Variants in ENPEP observed in about 807,000 individuals in gnomAD.
ENPEP encodes the protein AP-A.
ENPEP carries 103 observed loss-of-function variants against 114.5 expected under a neutral mutation model. The observed-to-expected ratio is 0.90, with a 90% CI of 0.77 to 1.06. The LOEUF (loss-of-function observed/expected upper bound fraction) is 1.06. ENPEP is among the 50% of genes least tolerant of loss of function. ENPEP has a pLI of 0.00. For missense variants in ENPEP, 1,196 were observed against 1,161.3 expected (o/e 1.03, Z -0.43); for synonymous variants, 420 against 422.0 (o/e 1.00, Z 0.06).
intron 3 of ENPEP, 117 bp downstream of exon 3, chr4:110,491,281 T>A: frequency 1.0e-6 from 1 of 998,012 alleles, no homozygotes. Context: ...AGCCCTTTAG[T>A]CCCCAGGGTC....
intron 3 of ENPEP, among the ~76,000 whole-genome samples, chr4:110,492,100 C>T (rs1211643124): frequency 6.6e-6 from 1 of 152,016 alleles, no homozygotes. Flanking sequence ...TGCTTATATC[C>T]TGAACATATG....
Position 110,506,753 on chromosome 4 carries a change from A to G in ENPEP, c.1035A>G (p.Lys345=). ...TTGCTATGAATTATTCTCTTCCTAA[A>G]TTAGGTGAGGATCATTTTTTAATTT... ...EYFAMNYSLP[K]LDKIAIPDFG... Residue 345 remains lysine, a synonymous_variant, in exon 4 of 20, where the codon AAA becomes AAG. Transcript: ENST00000265162. 6.4e-7 allele frequency: 1 copy of G among 1,558,570 alleles called. No homozygotes were observed. The highest frequency in any genetic ancestry group is 2.3e-5 in the East Asian group (1 of 44,212).
Position 110,520,378 on chromosome 4 carries a change from T to G in ENPEP, c.1727+12T>G. ...CCTTCAGATCTTGGGTAAGGCTCTATAATGCATTGAAAAAAACACAGAAAT... is the reference window on the plus strand; with the variant it reads ...CCTTCAGATCTTGGGTAAGGCTCTAGAATGCATTGAAAAAAACACAGAAAT... On this transcript the variant is annotated intron_variant, in intron 10 of 19. Coordinates refer to ENST00000265162, the MANE Select transcript of ENPEP (RefSeq NM_001977.4). The G allele has an allele frequency of 6.2e-7, 1 of 1,612,878 alleles. No individual in the cohort carries two copies. Among genetic ancestry groups the G allele is most frequent in the Non-Finnish European group, 8.5e-7 (1 of 1,179,382 alleles).
rs1240822458 is a variant in ENPEP, at chr4:110,546,285, C to T, written c.2001-1891C>T. On this transcript the variant is annotated intron_variant, in intron 13 of 19. Coordinates refer to ENST00000265162, the MANE Select transcript of ENPEP (RefSeq NM_001977.4). Reference sequence around the variant, plus strand: ...CATAGGACTTAGTCTTGGGGCCTTGCCAAAACAGACACAGAAATAATTCTT... The same window carrying T: ...CATAGGACTTAGTCTTGGGGCCTTGTCAAAACAGACACAGAAATAATTCTT... 2.0e-5 allele frequency among the ~76,000 whole-genome samples: 3 copies of T among 151,846 alleles called. 1 individual carries two copies. Among genetic ancestry groups the T allele is most frequent in the Non-Finnish European group, 2.9e-5 (2 of 67,946 alleles).
intron 13 of ENPEP, among the ~76,000 whole-genome samples, chr4:110,544,605 A>G (rs1323080349): frequency 6.6e-6 from 1 of 152,158 alleles, no homozygotes; most frequent in African/African-American, 2.4e-5. Flanking sequence ...AAGATGATCA[A>G]TAAGTATTTT....
chr4:110,509,792 T>C lies in ENPEP; in HGVS notation c.1179T>C (p.His393=). ...NQQRVATVVA[H]ELVHQWFGNI... ...AGAGGGTGGCCACTGTGGTTGCCCATGAACTTGTGCATCAGGTACAGAATC... is the reference window on the plus strand; with the variant it reads ...AGAGGGTGGCCACTGTGGTTGCCCACGAACTTGTGCATCAGGTACAGAATC... The change falls in exon 5 of 20, where the codon CAT becomes CAC. Residue 393 remains histidine, a synonymous_variant. Transcript: ENST00000265162. 2 of 1,613,496 alleles carry C rather than the reference T, an allele frequency of 1.2e-6. No homozygotes were observed. The highest frequency in any genetic ancestry group is 1.7e-6 in the Non-Finnish European group (2 of 1,179,872).
At position 110,543,047 on chromosome 4, in the gene ENPEP, TG is replaced by T. The variant is rs754162096; in HGVS notation, c.1978del (p.Asp660MetfsTer12). 3.1e-6 allele frequency: 5 copies of T among 1,613,206 alleles called. No homozygotes were observed. The South Asian group carries it at 5.5e-5, about 18-fold the overall frequency. On this transcript the variant is annotated frameshift_variant, in exon 13 of 20. Transcript: ENST00000265162. LOFTEE classifies it high-confidence loss of function. ...CTTCAGCAGATCGTGCAAGTCTTAT[TG>T]ATGATGCTTTTGCCTTGGCAAGGTG... ...FSSADRASLI[D>X]DAFALARAQL...
chr4:110,545,545 C>T lies in ENPEP; in HGVS notation c.2000+2475C>T, dbSNP rs778107500. Among the ~76,000 whole-genome samples the T allele has an allele frequency of 1.1e-4, 17 of 152,126 alleles. No homozygotes were observed. The South Asian group carries it at 1.5e-3, about 13-fold the overall frequency. On this transcript the variant is annotated intron_variant, in intron 13 of 19. Transcript: ENST00000265162. ...TTCTCTGCTTGGAACTTCTATGTCTCCCGAGTCACCGTGCTGCCTCTGGTT... is the reference window on the plus strand; with the variant it reads ...TTCTCTGCTTGGAACTTCTATGTCTTCCGAGTCACCGTGCTGCCTCTGGTT...
intron 6 of ENPEP, among the ~76,000 whole-genome samples, chr4:110,510,842 A>T (rs967276291): frequency 2.6e-5 from 4 of 152,214 alleles, no homozygotes; most frequent in Non-Finnish European, 5.9e-5. Context: ...ATGACAGGGA[A>T]TATGACCTTG....
intron 13 of ENPEP, among the ~76,000 whole-genome samples, chr4:110,546,303 T>C (rs524788): frequency 0.95 from 144,431 of 151,906 alleles, 68,703 homozygotes; most frequent in Non-Finnish European, 0.96. Flanking sequence ...GACACAGAAA[T>C]AATTCTTCCC....
intron 10 of ENPEP, among the ~76,000 whole-genome samples, chr4:110,530,490 T>A (rs1173771960): frequency 1.3e-5 from 2 of 152,130 alleles, no homozygotes; most frequent in Admixed American, 6.6e-5. Context: ...TGAGATGATA[T>A]AAGAACAAAC....
intron 3 of ENPEP, among the ~76,000 whole-genome samples, chr4:110,497,904 G>A (rs751469820): frequency 5.3e-5 from 8 of 151,998 alleles, no homozygotes; most frequent in Non-Finnish European, 1.2e-4. Flanking sequence ...ACCTACTACT[G>A]GAAGAATATT....
intron 4 of ENPEP, among the ~76,000 whole-genome samples, chr4:110,506,997 C>A (rs1725397085): frequency 6.6e-6 from 1 of 152,186 alleles, no homozygotes; most frequent in Non-Finnish European, 1.5e-5. Flanking sequence ...AATATATAAT[C>A]TTGTGTTTCC....
At chr4:110,534,624 C>T (rs1346630065) in intron 11 of ENPEP, among the ~76,000 whole-genome samples, 1 of 150,438 alleles carries the variant, frequency 6.6e-6, no homozygotes, top group African/African-American at 2.4e-5. Flanking sequence ...TCTCCTGCCT[C>T]AGCCTCCCAT....
At chr4:110,554,390 C>T (rs543660273) in intron 18 of ENPEP, among the ~76,000 whole-genome samples, 1 of 152,094 alleles carries the variant, frequency 6.6e-6, no homozygotes, top group South Asian at 2.1e-4. Context: ...CATTTCTTTT[C>T]CTGCTGAGAT....
rs566926068 is a variant in ENPEP, at chr4:110,510,005, A to T, written c.1194+198A>T. Among the ~76,000 whole-genome samples the T allele has an allele frequency of 5.4e-4, 83 of 152,374 alleles. 2 individuals carry two copies. In the South Asian group the frequency reaches 0.017, roughly 31 times the overall value. On this transcript the variant is annotated intron_variant, in intron 5 of 19. Coordinates refer to ENST00000265162, the MANE Select transcript of ENPEP (RefSeq NM_001977.4). ...ATTGTTTTGCCTTTAGGAAATATGC[A>T]CGAGGCCTTCATATAAATTTATGTA...
chr4:110,518,966 AT>A, intron 8 of ENPEP: 1 of 422,590 alleles, frequency 2.4e-6, no homozygotes, highest in South Asian at 1.8e-5. Flanking sequence ...AATATTAGAC[AT>A]TTGATTTACC....
chr4:110,553,875 A>G (rs1043494159), intron 18 of ENPEP, among the ~76,000 whole-genome samples: 2 of 152,032 alleles, frequency 1.3e-5, no homozygotes, highest in Non-Finnish European at 2.9e-5. Context: ...TATGTGGGTG[A>G]TAACTATTAC....
At chr4:110,536,121 A>G (rs1246646376) in intron 11 of ENPEP, among the ~76,000 whole-genome samples, 1 of 151,514 alleles carries the variant, frequency 6.6e-6, no homozygotes, top group Non-Finnish European at 1.5e-5. Flanking sequence ...AAAAAAAAAA[A>G]AAAAAAAAAA....
Sources: gnomAD v4.1 joint callset for allele counts (sites outside exome capture counted in the v4.1 genomes callset) on GRCh38, gnomAD v4.1.1 for gene constraint, MANE v1.5 for transcripts, NCBI Gene and HGNC (gene_info 2026-07-23, HGNC 2026-07-21) for gene names.